Variants in ST6GAL2 observed in about 807,000 individuals in gnomAD.
ST6GAL2 encodes ST6 beta-galactoside alpha-2,6-sialyltransferase 2.
ST6GAL2 carries 24 observed loss-of-function variants against 37.5 expected under a neutral mutation model. The ratio of observed to expected loss-of-function variants is 0.64; its 90% CI spans 0.46 to 0.90. The LOEUF is 0.90. Ranked by LOEUF, ST6GAL2 falls within the 40% of genes least tolerant of loss-of-function variation. The probability of loss-of-function intolerance (pLI) is 0.00; values close to 1 mark genes in which losing one functional copy is unlikely to be tolerated. For synonymous variants in ST6GAL2, 306 were observed against 295.1 expected, an observed-to-expected ratio of 1.04 and a Z score of -0.38; for missense variants, 715 against 712.7, an observed-to-expected ratio of 1.00 and a Z score of -0.04.
chr2:106,833,987 T>C, intron 3 of ST6GAL2, 62 bp downstream of exon 3: 1 of 1,248,682 alleles, frequency 8.0e-7, no homozygotes, highest in Non-Finnish European at 1.2e-6. Context: ...AACTCATTTC[T>C]CTTCACTCAT....
At chr2:106,859,311 AAT>A (rs916565593) in intron 1 of ST6GAL2, among the ~76,000 whole-genome samples, 5 of 152,296 alleles carry the variant, frequency 3.3e-5, no homozygotes, top group Admixed American at 3.3e-4. Flanking sequence ...GTGGATGGAA[AAT>A]ACACATCTGC....
chr2:106,827,533 C>T (rs965478190), intron 5 of ST6GAL2, among the ~76,000 whole-genome samples: 2 of 152,180 alleles, frequency 1.3e-5, no homozygotes, highest in East Asian at 1.9e-4. Context: ...CTTCTATCCT[C>T]GCCCACCCCC....
At chr2:106,812,047 T>C (rs996211168) in intron 5 of ST6GAL2, among the ~76,000 whole-genome samples, 17 of 152,146 alleles carry the variant, frequency 1.1e-4, no homozygotes, top group Admixed American at 2.6e-4. Context: ...TTGAGATCCT[T>C]CCTAATCCTT....
chr2:106,824,141 A>G (rs1365144425), intron 5 of ST6GAL2, among the ~76,000 whole-genome samples: 1 of 152,202 alleles, frequency 6.6e-6, no homozygotes, highest in Non-Finnish European at 1.5e-5. Flanking sequence ...ATATTCAAGA[A>G]TCTGGGTCCC....
chr2:106,837,405 G>C (rs564025153), intron 2 of ST6GAL2, among the ~76,000 whole-genome samples: 20 of 152,272 alleles, frequency 1.3e-4, no homozygotes, highest in African/African-American at 4.3e-4. Context: ...TACCACCAGT[G>C]CAAATGTCAA....
At chr2:106,841,495 G>A (rs1302365201) in intron 2 of ST6GAL2, among the ~76,000 whole-genome samples, 1 of 152,186 alleles carries the variant, frequency 6.6e-6, no homozygotes, top group Non-Finnish European at 1.5e-5. Flanking sequence ...ACAGAATCAA[G>A]CACATATTAG....
chr2:106,840,428 GA>G (rs1410806744), intron 2 of ST6GAL2, among the ~76,000 whole-genome samples: 1 of 152,220 alleles, frequency 6.6e-6, no homozygotes, highest in African/African-American at 2.4e-5. Context: ...TGCTGATGCT[GA>G]GATACCAACT....
At chr2:106,875,162 C>A (rs1678447405) in intron 1 of ST6GAL2, among the ~76,000 whole-genome samples, 1 of 148,372 alleles carries the variant, frequency 6.7e-6, no homozygotes, top group South Asian at 2.1e-4. Flanking sequence ...TATCACTTTA[C>A]TTTTTTTGTT....
intron 1 of ST6GAL2, among the ~76,000 whole-genome samples, chr2:106,848,579 C>T (rs1434424871): frequency 6.6e-6 from 1 of 152,180 alleles, no homozygotes; most frequent in African/African-American, 2.4e-5. Context: ...AATCTCTGGC[C>T]TAGAGGGCTT....
At chr2:106,838,870 T>C (rs930491437) in intron 2 of ST6GAL2, among the ~76,000 whole-genome samples, 8 of 151,966 alleles carry the variant, frequency 5.3e-5, no homozygotes, top group Non-Finnish European at 1.2e-4. Context: ...ACCCCATCTC[T>C]ACTAAAAACA....
chr2:106,885,868 T>G (rs79820065), intron 1 of ST6GAL2: 18,050 of 152,132 alleles, frequency 0.12, 1,305 homozygotes, highest in African/African-American at 0.17. Context: ...AAAGATCACC[T>G]TTACTGAGCC....
chr2:106,805,952 T>C lies in ST6GAL2; in HGVS notation c.*726A>G, dbSNP rs1320768555. The C allele has an allele frequency of 6.6e-6, 1 of 152,346 alleles. No individual in the cohort carries two copies. The highest frequency in any genetic ancestry group is 1.5e-5 in the Non-Finnish European group (1 of 68,146). 9.4% of individuals were successfully genotyped at this position (152,346 alleles called of 1,614,324 possible). Reference sequence around the variant, plus strand: ...TGCCTCCTGGTGGATGTGATACTAATGTTCCTGGTTGAAATACTGCAGGGA... The same window carrying C: ...TGCCTCCTGGTGGATGTGATACTAACGTTCCTGGTTGAAATACTGCAGGGA... On this transcript the variant is annotated 3_prime_UTR_variant, in exon 6 of 6. Transcript: ENST00000409382.
chr2:106,876,681 A>G lies in ST6GAL2; in HGVS notation c.-58+9412T>C, dbSNP rs569003228. 2.3e-3 allele frequency among the ~76,000 whole-genome samples: 344 copies of G among 152,304 alleles called. 2 individuals carry two copies. The highest frequency in any genetic ancestry group is 7.9e-3 in the African/African-American group (330 of 41,566). On this transcript the variant is annotated intron_variant, in intron 1 of 5. Coordinates refer to ENST00000409382, the MANE Select transcript of ST6GAL2 (RefSeq NM_001142351.2). ...TTCTTGATGTGCTGGTTATATAGGT[A>G]TATTCAATTTATGAAAATTCATCAA...
rs1675330427 is a variant in ST6GAL2 at position 106,803,692 on chromosome 2, G to T, written c.*2986C>A. ...TATCTTGAAATACAAAAGAACGTCTGTTGGTCCTGAGAGTGAAAAAAGGAA... is the reference window on the plus strand; with the variant it reads ...TATCTTGAAATACAAAAGAACGTCTTTTGGTCCTGAGAGTGAAAAAAGGAA... On this transcript the variant is annotated 3_prime_UTR_variant, in exon 6 of 6. Transcript: ENST00000409382. 1 of 152,150 alleles carries T rather than the reference G, an allele frequency of 6.6e-6. No individual in the cohort carries two copies. Among genetic ancestry groups the T allele is most frequent in the Non-Finnish European group, 1.5e-5 (1 of 68,048 alleles). The allele number at this position is 152,150 out of a possible 1,614,324, so 9.4% of individuals were successfully genotyped here. A position where few individuals can be genotyped will look rare whatever the true frequency, so the allele number is the denominator to read the frequency against.
At chr2:106,847,637 C>T (rs996726507) in intron 1 of ST6GAL2, among the ~76,000 whole-genome samples, 5 of 152,198 alleles carry the variant, frequency 3.3e-5, no homozygotes, top group Admixed American at 2.6e-4. Context: ...CTCAAAGCCA[C>T]TCACACTTTT....
At chr2:106,885,435 CA>C (rs1215534054) in intron 1 of ST6GAL2, among the ~76,000 whole-genome samples, 1 of 152,096 alleles carries the variant, frequency 6.6e-6, no homozygotes, top group Non-Finnish European at 1.5e-5. Context: ...AAGGCAATCA[CA>C]AAAAGTCTCA....
intron 1 of ST6GAL2, among the ~76,000 whole-genome samples, chr2:106,859,763 T>C (rs1013287610): frequency 6.6e-6 from 1 of 152,180 alleles, no homozygotes; most frequent in Non-Finnish European, 1.5e-5. Context: ...CCTGCTTCTA[T>C]CCTGTCTTTC....
intron 4 of ST6GAL2, 49 bp downstream of exon 4, chr2:106,832,516 A>G (rs1394774948): frequency 5.2e-6 from 5 of 970,576 alleles, no homozygotes; most frequent in Non-Finnish European, 7.9e-6. Context: ...TTAATTAGTC[A>G]AAGCCATTGT....
chr2:106,843,725 G>C lies in ST6GAL2; in HGVS notation c.253C>G (p.Pro85Ala). 6.2e-7 allele frequency: 1 copy of C among 1,612,816 alleles called. No individual in the cohort carries two copies. Among genetic ancestry groups the C allele is most frequent in the South Asian group, 1.1e-5 (1 of 91,068 alleles). Residue 85 changes from proline to alanine, a missense_variant, in exon 2 of 6, where the codon CCA becomes GCA. By Grantham distance (27) the Pro-to-Ala change is conservative. This residue lies in a region of ST6GAL2 where 512 missense variants were observed against 488.8 expected (regional missense o/e 1.05). Transcript: ENST00000409382. ...DARQALPRAHPAGSFHAGPGD... is the reference protein window; with the variant it reads ...DARQALPRAHAAGSFHAGPGD... ...GGCCCCGCATGAAAGGAACCGGCTG[G>C]GTGGGCGCGGGGCAGCGCCTGGCGT... is the stretch of plus-strand genomic sequence containing the variant.
Sources: allele counts gnomAD v4.1 joint callset (sites outside exome capture counted in the v4.1 genomes callset), GRCh38; gene constraint gnomAD v4.1.1; regional missense constraint gnomAD v4.1.1; transcripts MANE v1.5; gene names NCBI Gene and HGNC (gene_info 2026-07-23, HGNC 2026-07-21).